NBN: variants seen among roughly 807,000 people sequenced by gnomAD.
NBN encodes the protein nibrin, also known as Nijmegen breakage syndrome 1 (nibrin).
In NBN, 88 loss-of-function variants were observed where a neutral mutation model predicts 90.8. The observed-to-expected ratio is 0.97, with a 90% confidence interval of 0.82 to 1.16. NBN has a LOEUF of 1.16. NBN is among the 50% of genes most tolerant of loss of function. NBN has a pLI of 0.00. For missense variants in NBN, 894 were observed against 869.6 expected (o/e 1.03, Z -0.35); for synonymous variants, 328 against 295.1 (o/e 1.11, Z -1.14).
intron 1 of NBN, 81 bp from the exon 2 acceptor site, chr8:89,982,936 T>A: frequency 7.3e-7 from 1 of 1,374,114 alleles, no homozygotes; most frequent in East Asian, 2.4e-5. Flanking sequence ...CATGTAAGTG[T>A]ATATGATATA....
At chr8:89,982,935 G>T in intron 1 of NBN, 80 bp from the exon 2 acceptor site, 2 of 1,389,746 alleles carry the variant, frequency 1.4e-6, no homozygotes, top group Non-Finnish European at 2.0e-6. Flanking sequence ...ACATGTAAGT[G>T]TATATGATAT....
intron 11 of NBN, among the ~76,000 whole-genome samples, chr8:89,952,035 CTCA>C (rs753733181): frequency 5.3e-5 from 8 of 152,188 alleles, no homozygotes; most frequent in Non-Finnish European, 1.0e-4. Flanking sequence ...TACCTGTCCC[CTCA>C]TCATCACATT....
chr8:89,970,278 T>C, intron 7 of NBN, 86 bp downstream of exon 7: 2 of 1,218,068 alleles, frequency 1.6e-6, no homozygotes, highest in African/African-American at 1.5e-5. Context: ...TATCTACTTT[T>C]ACATTGTTAG....
At chr8:89,975,230 T>C (rs1811696603) in intron 5 of NBN, among the ~76,000 whole-genome samples, 1 of 152,224 alleles carries the variant, frequency 6.6e-6, no homozygotes, top group Non-Finnish European at 1.5e-5. Flanking sequence ...TAGACATAGC[T>C]GTACTAAATA....
At chr8:89,982,966 A>G in intron 1 of NBN, 111 bp from the exon 2 acceptor site, 1 of 1,142,402 alleles carries the variant, frequency 8.8e-7, no homozygotes, top group Non-Finnish European at 1.3e-6. Context: ...AATATTAAAT[A>G]AAACACCTTT....
intron 15 of NBN, among the ~76,000 whole-genome samples, chr8:89,936,611 CAA>C (rs1809695414): frequency 6.6e-6 from 1 of 152,144 alleles, no homozygotes; most frequent in Non-Finnish European, 1.5e-5. Flanking sequence ...AAACCTCCCA[CAA>C]AAACCTGCTT....
intron 8 of NBN, among the ~76,000 whole-genome samples, chr8:89,960,612 C>T (rs1810949277): frequency 6.6e-6 from 1 of 152,044 alleles, no homozygotes; most frequent in Admixed American, 6.6e-5. Flanking sequence ...GATCATGCCA[C>T]TGTACTCCAG....
chr8:89,943,281 A>G lies in NBN; in HGVS notation c.2156T>C (p.Leu719Pro). Reference sequence around the variant, plus strand: ...CATTTCCTGCCTTAGCCACTCTTCTAGTTCTGTATTCTTTCGAGCATGATG... The same window carrying G: ...CATTTCCTGCCTTAGCCACTCTTCTGGTTCTGTATTCTTTCGAGCATGATG... ...IAHHARKNTE[L>P]EEWLRQEMEV... The change falls in exon 14 of 16, where the codon CTA becomes CCA. Residue 719 changes from leucine (L) to proline (P), a missense_variant. Transcript: ENST00000265433. 1 of 1,613,692 alleles carries G rather than the reference A, an allele frequency of 6.2e-7. No homozygotes were observed. Among genetic ancestry groups the G allele is most frequent in the Non-Finnish European group, 8.5e-7 (1 of 1,179,750 alleles).
At chr8:89,979,540 G>A (rs1811954134) in intron 4 of NBN, among the ~76,000 whole-genome samples, 1 of 151,180 alleles carries the variant, frequency 6.6e-6, no homozygotes, top group Non-Finnish European at 1.5e-5. Context: ...TGTTGTTGTT[G>A]TTGTTGTTTT....
chr8:89,966,722 C>T (rs1811268464), intron 7 of NBN, among the ~76,000 whole-genome samples: 1 of 152,054 alleles, frequency 6.6e-6, no homozygotes, highest in South Asian at 2.1e-4. Context: ...CCAAGAATAG[C>T]CAGGATGCTT....
At chr8:89,952,511 T>C (rs577305488) in intron 11 of NBN, among the ~76,000 whole-genome samples, 3 of 152,308 alleles carry the variant, frequency 2.0e-5, no homozygotes, top group African/African-American at 7.2e-5. Flanking sequence ...AGGTCCTTGA[T>C]ACACACTAGG....
At position 89,935,161 on chromosome 8, in the gene NBN, T is replaced by C; in HGVS notation, c.*421A>G. 1 of 265,168 alleles carries C rather than the reference T, an allele frequency of 3.8e-6. No individual in the cohort carries two copies. Among genetic ancestry groups the C allele is most frequent in the Non-Finnish European group, 7.3e-6 (1 of 137,058 alleles). 16.4% of individuals were successfully genotyped at this position (265,168 alleles called of 1,614,324 possible). On this transcript the variant is annotated 3_prime_UTR_variant, in exon 16 of 16. Coordinates refer to ENST00000265433, the MANE Select transcript of NBN (RefSeq NM_002485.5). Reference sequence around the variant, plus strand: ...TGCATATGTTATGCTATCATTTGTGTAGGAAATTATTTAAAAATAGGAATT... The same window carrying C: ...TGCATATGTTATGCTATCATTTGTGCAGGAAATTATTTAAAAATAGGAATT...
At chr8:89,944,865 G>A (rs1048661178) in intron 13 of NBN, among the ~76,000 whole-genome samples, 1 of 152,180 alleles carries the variant, frequency 6.6e-6, no homozygotes, top group African/African-American at 2.4e-5. Flanking sequence ...ACAGGTGTGA[G>A]CGACCAGGCC....
chr8:89,969,248 T>C lies in NBN; in HGVS notation c.896+1116A>G, dbSNP rs527286827. Among the ~76,000 whole-genome samples the C allele has an allele frequency of 2.6e-5, 4 of 152,346 alleles. No individual in the cohort carries two copies. The South Asian group carries it at 8.3e-4, about 32-fold the overall frequency. Reference sequence around the variant, plus strand: ...AAGATTATTAATGCAAATTAAAGTCTAAGAAAAATCCTTCAGTTAGCTCTT... The same window carrying C: ...AAGATTATTAATGCAAATTAAAGTCCAAGAAAAATCCTTCAGTTAGCTCTT... On this transcript the variant is annotated intron_variant, in intron 7 of 15. Transcript: ENST00000265433.
At chr8:89,961,699 T>C (rs1420655917) in intron 8 of NBN, among the ~76,000 whole-genome samples, 1 of 152,204 alleles carries the variant, frequency 6.6e-6, no homozygotes, top group Non-Finnish European at 1.5e-5. Flanking sequence ...GGAGGAAGGC[T>C]GCAGCTAAAC....
intron 14 of NBN, among the ~76,000 whole-genome samples, chr8:89,940,632 A>C (rs1809895961): frequency 6.6e-6 from 1 of 152,078 alleles, no homozygotes. Flanking sequence ...GAGGAAAAAA[A>C]AAAAAAGGGA....
chr8:89,960,076 G>C (rs1810922019), intron 8 of NBN, among the ~76,000 whole-genome samples: 2 of 152,234 alleles, frequency 1.3e-5, no homozygotes, highest in South Asian at 2.1e-4. Flanking sequence ...GTATAGAGTA[G>C]ATGTAAAAAA....
Position 89,982,869 on chromosome 8 carries a change from T to G in NBN, c.38-14A>C, listed in dbSNP as rs763454345. The G allele has an allele frequency of 6.2e-7, 1 of 1,612,090 alleles. No homozygotes were observed. The highest frequency in any genetic ancestry group is 2.2e-5 in the East Asian group (1 of 44,842). On this transcript the variant is annotated splice_polypyrimidine_tract_variant and intron_variant, in intron 1 of 15. Coordinates refer to ENST00000265433, the MANE Select transcript of NBN (RefSeq NM_002485.5). ...TGTATGGTTCTCCTGAGATAAATTTTTTTTTAAAAAAAGATAAGTTGATAG... is the reference window on the plus strand; with the variant it reads ...TGTATGGTTCTCCTGAGATAAATTTGTTTTTAAAAAAAGATAAGTTGATAG...
Position 89,943,280 on chromosome 8 carries a change from T to TA in NBN, c.2156dup (p.Glu720ArgfsTer22), listed in dbSNP as rs1586035111. ...CCATTTCCTGCCTTAGCCACTCTTC[T>TA]AGTTCTGTATTCTTTCGAGCATGAT... On this transcript the variant is annotated frameshift_variant, in exon 14 of 16. Transcript: ENST00000265433. LOFTEE classifies it high-confidence loss of function. 6 of 1,613,794 alleles carry TA rather than the reference T, an allele frequency of 3.7e-6. No individual in the cohort carries two copies. Among genetic ancestry groups the TA allele is most frequent in the Non-Finnish European group, 5.1e-6 (6 of 1,179,788 alleles).
Sources: gnomAD v4.1 joint callset for allele counts (sites outside exome capture counted in the v4.1 genomes callset) on GRCh38, gnomAD v4.1.1 for gene constraint, MANE v1.5 for transcripts, NCBI Gene and HGNC (gene_info 2026-07-23, HGNC 2026-07-21) for gene names.